STAC: variants seen among roughly 807,000 people sequenced by gnomAD.
STAC encodes SH3 and cysteine rich domain, also known as SH3 and cysteine-rich domain-containing protein.
A neutral mutation model predicts 48.8 loss-of-function variants in STAC; 43 were observed. That is an observed-to-expected ratio of 0.88 (90% confidence interval 0.69 to 1.14). STAC has a LOEUF of 1.14. Ranked by LOEUF, STAC falls within the 50% of genes most tolerant of loss-of-function variation. STAC has a pLI of 0.00. For missense variants in STAC, 497 were observed against 504.0 expected, an observed-to-expected ratio of 0.99 and a Z score of 0.13; for synonymous variants, 193 against 179.5, an observed-to-expected ratio of 1.07 and a Z score of -0.60.
intron 2 of STAC, among the ~76,000 whole-genome samples, chr3:36,448,189 CTTTA>C (rs1474898539): frequency 1.5e-5 from 1 of 68,738 alleles, no homozygotes; most frequent in African/African-American, 5.4e-5. Context: ...TTTTATTTTA[CTTTA>C]TTTTACTTTA....
chr3:36,457,403 G>A (rs532435968), intron 2 of STAC, among the ~76,000 whole-genome samples: 1 of 152,188 alleles, frequency 6.6e-6, no homozygotes, highest in East Asian at 1.9e-4. Flanking sequence ...AGCATTTTGT[G>A]GACTATAAGA....
intron 1 of STAC, among the ~76,000 whole-genome samples, chr3:36,426,864 C>A (rs1700576847): frequency 1.2e-5 from 1 of 84,704 alleles, no homozygotes; most frequent in Non-Finnish European, 2.2e-5. Context: ...TTCATCACCT[C>A]TCGACATTTT....
intron 1 of STAC, among the ~76,000 whole-genome samples, chr3:36,411,130 C>A (rs1700185441): frequency 6.6e-6 from 1 of 152,180 alleles, no homozygotes; most frequent in Admixed American, 6.5e-5. Flanking sequence ...TTTCCTCAAA[C>A]CCCACATCCA....
rs767929435 is a variant in STAC, at chr3:36,486,147, G to A, written c.585G>A (p.Lys195=). ...CTTCTGTTGCAGCCTGTGGCAATAAGGTGGACCCTGTCTACGAGACCCTCC... is the reference window on the plus strand; with the variant it reads ...CTTCTGTTGCAGCCTGTGGCAATAAAGTGGACCCTGTCTACGAGACCCTCC... ...KEVMPIACGN[K]VDPVYETLRF... is the part of the protein sequence containing the mutation. The change falls in exon 5 of 11, where the codon AAG becomes AAA. Residue 195 remains lysine, a synonymous_variant. Coordinates refer to ENST00000273183, the MANE Select transcript of STAC (RefSeq NM_003149.3). 40 of 1,613,572 alleles carry A rather than the reference G, an allele frequency of 2.5e-5. No individual in the cohort carries two copies. The East Asian group carries it at 8.5e-4, about 34-fold the overall frequency.
At chr3:36,425,177 A>G (rs1435398803) in intron 1 of STAC, among the ~76,000 whole-genome samples, 1 of 152,204 alleles carries the variant, frequency 6.6e-6, no homozygotes, top group Non-Finnish European at 1.5e-5. Flanking sequence ...CAGTGGAGCA[A>G]CCCAGAAAAT....
intron 1 of STAC, among the ~76,000 whole-genome samples, chr3:36,387,605 G>T (rs1380969690): frequency 6.6e-6 from 1 of 152,004 alleles, no homozygotes; most frequent in African/African-American, 2.4e-5. Flanking sequence ...TTTTGTGATT[G>T]AATTATTTCA....
chr3:36,533,244 A>G (rs1479739005), intron 10 of STAC, among the ~76,000 whole-genome samples: 2 of 152,164 alleles, frequency 1.3e-5, no homozygotes, highest in East Asian at 3.9e-4. Context: ...TCTTGATTCC[A>G]GGCACAGGCA....
chr3:36,480,559 T>G (rs1413660548), intron 2 of STAC, among the ~76,000 whole-genome samples: 1 of 152,168 alleles, frequency 6.6e-6, no homozygotes, highest in Non-Finnish European at 1.5e-5. Flanking sequence ...AACGTCATCT[T>G]CATGTAGGTT....
Position 36,521,631 on chromosome 3 carries a change from G to A in STAC, c.921-7065G>A, listed in dbSNP as rs553304184. Among the ~76,000 whole-genome samples the A allele has an allele frequency of 2.0e-5, 3 of 152,256 alleles. No individual in the cohort carries two copies. In the South Asian group the frequency reaches 6.2e-4, roughly 32 times the overall value. ...CCAAATGTTAGCGTCTGAAGCCACT[G>A]AAGTCAAGGCTATTTCATTAACCAA... On this transcript the variant is annotated intron_variant, in intron 8 of 10. Transcript: ENST00000273183.
chr3:36,494,640 C>A lies in STAC; in HGVS notation c.766+1411C>A, dbSNP rs374711221. ...TTCCTAAATAAGTGCCAGTGTTCAC[C>A]ATGCCCCCCCTTGCCAGACCCACAC... is the stretch of plus-strand genomic sequence containing the variant. On this transcript the variant is annotated intron_variant, in intron 6 of 10. Transcript: ENST00000273183. Among the ~76,000 whole-genome samples the A allele has an allele frequency of 3.9e-5, 6 of 152,310 alleles. No individual in the cohort carries two copies. The East Asian group carries it at 1.2e-3, about 29-fold the overall frequency.
intron 1 of STAC, among the ~76,000 whole-genome samples, chr3:36,380,962 C>T (rs1699498849): frequency 6.7e-6 from 1 of 148,926 alleles, no homozygotes; most frequent in African/African-American, 2.4e-5. Flanking sequence ...CCCACACATT[C>T]ACACACGCAA....
At chr3:36,408,187 G>A (rs569943696) in intron 1 of STAC, among the ~76,000 whole-genome samples, 3 of 152,304 alleles carry the variant, frequency 2.0e-5, no homozygotes, top group African/African-American at 7.2e-5. Context: ...TTTCCCATAC[G>A]ATGTAAGCTA....
At chr3:36,483,702 C>G (rs531305941) in intron 3 of STAC, among the ~76,000 whole-genome samples, 1 of 152,228 alleles carries the variant, frequency 6.6e-6, no homozygotes, top group Admixed American at 6.5e-5. Context: ...CCTATAATCC[C>G]AACACTTTGG....
At chr3:36,510,079 T>C (rs760744190) in intron 8 of STAC, among the ~76,000 whole-genome samples, 17 of 152,138 alleles carry the variant, frequency 1.1e-4, no homozygotes, top group African/African-American at 3.9e-4. Context: ...AGGGCTAATA[T>C]GCAGAATCGA....
intron 1 of STAC, among the ~76,000 whole-genome samples, chr3:36,416,875 C>T (rs1392206906): frequency 2.0e-5 from 3 of 152,166 alleles, no homozygotes; most frequent in East Asian, 1.9e-4. Context: ...GTGAGTAATG[C>T]ACCAAAGAGC....
At position 36,471,741 on chromosome 3, in the gene STAC, T is replaced by C. The variant is rs181022721; in HGVS notation, c.389-11251T>C. Among the ~76,000 whole-genome samples the C allele has an allele frequency of 7.2e-4, 109 of 152,340 alleles. 1 individual carries two copies. The highest frequency in any genetic ancestry group is 1.9e-3 in the African/African-American group (80 of 41,588). ...GACTCCAAGTCTCATATCCAGGCCA[T>C]GCTGATGCAAGAGGTGGGTTCCCAT... On this transcript the variant is annotated intron_variant, in intron 2 of 10. Transcript: ENST00000273183.
chr3:36,480,668 G>T (rs533407570), intron 2 of STAC, among the ~76,000 whole-genome samples: 1 of 152,220 alleles, frequency 6.6e-6, no homozygotes, highest in South Asian at 2.1e-4. Flanking sequence ...TCTACCACTT[G>T]GACCCTTAGG....
At chr3:36,471,536 G>A (rs911804533) in intron 2 of STAC, among the ~76,000 whole-genome samples, 4 of 152,134 alleles carry the variant, frequency 2.6e-5, no homozygotes, top group African/African-American at 9.7e-5. Flanking sequence ...AGTCCCTTCC[G>A]CCTATGAGCC....
chr3:36,390,238 C>A (rs1389411877), intron 1 of STAC, among the ~76,000 whole-genome samples: 2 of 152,144 alleles, frequency 1.3e-5, no homozygotes. Context: ...AACTTAAAGA[C>A]AAATCCATTT....
Sources: allele counts gnomAD v4.1 joint callset (sites outside exome capture counted in the v4.1 genomes callset), GRCh38; gene constraint gnomAD v4.1.1; transcripts MANE v1.5; gene names NCBI Gene and HGNC (gene_info 2026-07-23, HGNC 2026-07-21).